Variants in ZNF253 observed in about 807,000 individuals in gnomAD.
The protein encoded by ZNF253 is DNA-binding protein.
ZNF253 carries 8 observed loss-of-function variants against 11.9 expected under a neutral mutation model. The ratio of observed to expected loss-of-function variants is 0.67; its 90% CI spans 0.40 to 1.22. The LOEUF is 1.22. Ranked by LOEUF, ZNF253 falls within the 50% of genes most tolerant of loss-of-function variation. The pLI, the probability that ZNF253 is intolerant of heterozygous loss-of-function variation, is 0.01. For synonymous variants in ZNF253, 194 were observed against 194.9 expected, an observed-to-expected ratio of 1.00 and a Z score of 0.04; for missense variants, 485 against 586.9, an observed-to-expected ratio of 0.83 and a Z score of 1.79.
intron 1 of ZNF253, among the ~76,000 whole-genome samples, chr19:19,871,906 A>C (rs2063135267): frequency 1.3e-5 from 2 of 152,166 alleles, no homozygotes; most frequent in African/African-American, 4.8e-5. Context: ...ATACAAACAC[A>C]TAAAGTGCCA....
upstream of ZNF253, chr19:19,865,878 C>G (rs577519873): frequency 2.2e-5 from 29 of 1,316,266 alleles, no homozygotes; most frequent in Admixed American, 2.7e-4. Context: ...AGCGGGAGCT[C>G]CAGGTTTATC....
chr19:19,868,044 AT>A lies in ZNF253; in HGVS notation c.3+2055del, dbSNP rs568779823. On this transcript the variant is annotated intron_variant, in intron 1 of 3. Transcript: ENST00000589717. ...TTTTTTTGGCCTATTTTTTAATGAGATTTTTTTTTTCTTGTAAACTTGTTTA... is the reference window on the plus strand; with the variant it reads ...TTTTTTTGGCCTATTTTTTAATGAGATTTTTTTTTCTTGTAAACTTGTTTA... 1.1e-3 allele frequency among the ~76,000 whole-genome samples: 161 copies of A among 144,390 alleles called. 1 individual carries two copies. Among genetic ancestry groups the A allele is most frequent in the African/African-American group, 2.7e-3 (105 of 38,972 alleles). 94.7% of individuals were successfully genotyped at this position (144,390 alleles called of 152,430 possible).
In ZNF253 at chr19:19,885,688, G is replaced by A. The variant is rs58054519; in HGVS notation, c.226+5542G>A. 1.4e-3 allele frequency among the ~76,000 whole-genome samples: 209 copies of A among 152,214 alleles called. 1 individual carries two copies. Among genetic ancestry groups the A allele is most frequent in the African/African-American group, 4.9e-3 (203 of 41,564 alleles). ...TTACAGGCATCAGCCACCGTGCCCG[G>A]CTTGTTTTGTATTTTTTCTAAAATA... On this transcript the variant is annotated intron_variant, in intron 3 of 3. Coordinates refer to ENST00000589717, the MANE Select transcript of ZNF253 (RefSeq NM_021047.3).
rs1162456298 is a variant in ZNF253 at position 19,885,216 on chromosome 19, A to ATTCT, written c.226+5143_226+5146dup. 7.8e-3 allele frequency among the ~76,000 whole-genome samples: 543 copies of ATTCT among 69,242 alleles called. 17 individuals carry two copies. Among genetic ancestry groups the ATTCT allele is most frequent in the East Asian group, 0.015 (27 of 1,762 alleles). 45.4% of individuals were successfully genotyped at this position (69,242 alleles called of 152,430 possible). On this transcript the variant is annotated intron_variant, in intron 3 of 3. Coordinates refer to ENST00000589717, the MANE Select transcript of ZNF253 (RefSeq NM_021047.3). Reference sequence around the variant, plus strand: ...GACCAATGTCATGTCTTTTTTTTGTATTCTTTCTTTCTTTCTTTCTTTCTT... The same window carrying ATTCT: ...GACCAATGTCATGTCTTTTTTTTGTATTCTTTCTTTCTTTCTTTCTTTCTTTCTT...
chr19:19,866,563 A>G (rs2063112170), intron 1 of ZNF253, among the ~76,000 whole-genome samples: 1 of 149,702 alleles, frequency 6.7e-6, no homozygotes, highest in African/African-American at 2.5e-5. Flanking sequence ...CAATGGCGCG[A>G]TCTCGGCTCA....
At chr19:19,866,648 G>A (rs970295432) in intron 1 of ZNF253, among the ~76,000 whole-genome samples, 1 of 151,902 alleles carries the variant, frequency 6.6e-6, no homozygotes, top group South Asian at 2.1e-4. Context: ...ACAGGCATGC[G>A]TCACCACACC....
chr19:19,878,345 A>C, intron 1 of ZNF253, 136 bp from the exon 2 acceptor site: 1 of 1,479,774 alleles, frequency 6.8e-7, no homozygotes, highest in Non-Finnish European at 9.1e-7. Context: ...TTTGGGTTGA[A>C]AAATATTTTA....
chr19:19,868,303 T>C (rs2063119621), intron 1 of ZNF253, among the ~76,000 whole-genome samples: 1 of 152,130 alleles, frequency 6.6e-6, no homozygotes, highest in African/African-American at 2.4e-5. Context: ...CTAGGTTATC[T>C]TGCAAGGTTT....
At chr19:19,868,192 G>A (rs2063119251) in intron 1 of ZNF253, among the ~76,000 whole-genome samples, 1 of 151,972 alleles carries the variant, frequency 6.6e-6, no homozygotes, top group Non-Finnish European at 1.5e-5. Context: ...AAGCTCTTTA[G>A]TTCAAATAGG....
At chr19:19,890,532 GT>G (rs2038214405) in intron 3 of ZNF253, among the ~76,000 whole-genome samples, 1 of 151,220 alleles carries the variant, frequency 6.6e-6, no homozygotes, top group Non-Finnish European at 1.5e-5. Flanking sequence ...GTGTGTGTGT[GT>G]GTGTGTGTGA....
chr19:19,894,150 C>T lies in ZNF253; in HGVS notation c.*1403C>T, dbSNP rs2063245023. 1 of 152,224 alleles carries T rather than the reference C, an allele frequency of 6.6e-6. No homozygotes were observed. Among genetic ancestry groups the T allele is most frequent in the Admixed American group, 6.5e-5 (1 of 15,284 alleles). 9.4% of individuals were successfully genotyped at this position (152,224 alleles called of 1,614,324 possible). A position where few individuals can be genotyped will look rare whatever the true frequency, so the allele number is the denominator to read the frequency against. On this transcript the variant is annotated 3_prime_UTR_variant, in exon 4 of 4. Transcript: ENST00000589717. ...AATGTTCAGTATAAAAACTAATCCA[C>T]AGCTACAGCTGTTAGATAAATTATT...
At chr19:19,873,022 G>A (rs2145260950) in intron 1 of ZNF253, among the ~76,000 whole-genome samples, 1 of 152,194 alleles carries the variant, frequency 6.6e-6, no homozygotes, top group East Asian at 1.9e-4. Context: ...ACTAACAAAA[G>A]GCATTTTCTG....
chr19:19,868,687 T>C (rs1019947819), intron 1 of ZNF253, among the ~76,000 whole-genome samples: 7 of 151,934 alleles, frequency 4.6e-5, no homozygotes, highest in Non-Finnish European at 8.8e-5. Context: ...AAAAAGGGGA[T>C]TGGGGGGCTA....
chr19:19,867,303 A>C (rs1275092316), intron 1 of ZNF253, among the ~76,000 whole-genome samples: 1 of 152,240 alleles, frequency 6.6e-6, no homozygotes, highest in African/African-American at 2.4e-5. Flanking sequence ...ATTTATTTTT[A>C]AATGGCCAGA....
chr19:19,890,744 G>A (rs553787798), intron 3 of ZNF253, among the ~76,000 whole-genome samples: 1 of 151,310 alleles, frequency 6.6e-6, no homozygotes, highest in South Asian at 2.1e-4. Context: ...GCTGGTCTCA[G>A]TCTCCTCACC....
intron 3 of ZNF253, among the ~76,000 whole-genome samples, chr19:19,883,845 C>T (rs141595598): frequency 3.1e-4 from 47 of 151,908 alleles, no homozygotes; most frequent in Non-Finnish European, 4.9e-4. Flanking sequence ...CACCTGAGAT[C>T]GGGAGTTTGA....
intron 1 of ZNF253, among the ~76,000 whole-genome samples, chr19:19,867,289 G>A (rs1308976859): frequency 6.6e-6 from 1 of 152,188 alleles, no homozygotes; most frequent in Non-Finnish European, 1.5e-5. Flanking sequence ...CAAAGGACAT[G>A]ATCATTTATT....
chr19:19,892,781 A>G lies in ZNF253; in HGVS notation c.*34A>G. On this transcript the variant is annotated 3_prime_UTR_variant, in exon 4 of 4. Coordinates refer to ENST00000589717, the MANE Select transcript of ZNF253 (RefSeq NM_021047.3). Reference sequence around the variant, plus strand: ...GGAGAGAAACCCTATGAATGTGATGAATGTGGGAAAGCCTTTAACCAGCCC... The same window carrying G: ...GGAGAGAAACCCTATGAATGTGATGGATGTGGGAAAGCCTTTAACCAGCCC... 6.5e-7 allele frequency: 1 copy of G among 1,544,130 alleles called. No individual in the cohort carries two copies. Among genetic ancestry groups the G allele is most frequent in the Non-Finnish European group, 8.7e-7 (1 of 1,148,216 alleles).
intron 3 of ZNF253, among the ~76,000 whole-genome samples, chr19:19,891,160 A>C (rs1880658199): frequency 6.6e-6 from 1 of 152,146 alleles, no homozygotes; most frequent in Admixed American, 6.6e-5. Context: ...TTTTAAAAGC[A>C]CAATGTTATA....
Sources: allele counts gnomAD v4.1 joint callset (sites outside exome capture counted in the v4.1 genomes callset), GRCh38; gene constraint gnomAD v4.1.1; transcripts MANE v1.5; gene names NCBI Gene and HGNC (gene_info 2026-07-23, HGNC 2026-07-21).